Variants in PLD5 observed in about 807,000 individuals in gnomAD.
The protein encoded by PLD5 is inactive phospholipase D5.
In PLD5, 36 loss-of-function variants were observed where a neutral mutation model predicts 61.1. The ratio of observed to expected loss-of-function variants is 0.59; its 90% CI spans 0.45 to 0.78. The LOEUF (loss-of-function observed/expected upper bound fraction) is 0.78. Among genes scored for constraint, PLD5 ranks in the 30% least tolerant of loss-of-function variants. The pLI is 0.00. For synonymous variants in PLD5, 243 were observed against 242.8 expected, an observed-to-expected ratio of 1.00 and a Z score of -0.01; for missense variants, 515 against 644.4, an observed-to-expected ratio of 0.80 and a Z score of 2.17.
At chr1:242,453,696 C>T (rs1056465029) in intron 1 of PLD5, among the ~76,000 whole-genome samples, 5 of 152,148 alleles carry the variant, frequency 3.3e-5, no homozygotes, top group Non-Finnish European at 7.4e-5. Context: ...GTAGGGCTCC[C>T]CTTTAGGATA....
chr1:242,474,189 G>A (rs1051025024), intron 1 of PLD5, among the ~76,000 whole-genome samples: 3 of 152,136 alleles, frequency 2.0e-5, no homozygotes, highest in African/African-American at 2.4e-5. Flanking sequence ...TGGCAAAACC[G>A]CAATTACTTT....
chr1:242,293,054 T>G (rs1675458031), intron 2 of PLD5, among the ~76,000 whole-genome samples: 1 of 152,208 alleles, frequency 6.6e-6, no homozygotes, highest in Non-Finnish European at 1.5e-5. Flanking sequence ...TTCCCTTTTC[T>G]TTGATTACAA....
At chr1:242,489,804 T>C (rs903842513) in intron 1 of PLD5, among the ~76,000 whole-genome samples, 1 of 152,154 alleles carries the variant, frequency 6.6e-6, no homozygotes, top group Admixed American at 6.5e-5. Context: ...TTTCAAAGGA[T>C]TTCACCAAGC....
intron 5 of PLD5, among the ~76,000 whole-genome samples, chr1:242,212,825 C>T (rs183318167): frequency 5.3e-5 from 8 of 152,280 alleles, no homozygotes; most frequent in African/African-American, 1.9e-4. Flanking sequence ...TTTAAAAAAC[C>T]TCTTTCTGAT....
intron 2 of PLD5, among the ~76,000 whole-genome samples, chr1:242,310,054 T>C (rs1003397824): frequency 1.3e-5 from 1 of 77,770 alleles, no homozygotes; most frequent in African/African-American, 3.1e-5. Flanking sequence ...ACAGGACCAA[T>C]TTTTCTTTTT....
intron 1 of PLD5, among the ~76,000 whole-genome samples, chr1:242,394,898 T>TTATATATGAA (rs760902538): frequency 0.2 from 19,872 of 99,312 alleles, 3,144 homozygotes; most frequent in Non-Finnish European, 0.25. Flanking sequence ...ATATATATGA[T>TTATATATGAA]TATATATGAA....
chr1:242,511,727 A>G (rs2654894), intron 1 of PLD5, among the ~76,000 whole-genome samples: 99,110 of 152,016 alleles, frequency 0.65, 33,459 homozygotes, highest in African/African-American at 0.81. Flanking sequence ...AGGGACACAC[A>G]GCAACTAAAT....
At chr1:242,272,918 C>T (rs530701116) in intron 3 of PLD5, among the ~76,000 whole-genome samples, 87 of 150,740 alleles carry the variant, frequency 5.8e-4, no homozygotes, top group African/African-American at 2.0e-3. Context: ...GTTTTTTTTT[C>T]TTTTTTAATT....
chr1:242,201,721 T>C (rs920035473), intron 5 of PLD5, among the ~76,000 whole-genome samples: 1 of 152,178 alleles, frequency 6.6e-6, no homozygotes, highest in African/African-American at 2.4e-5. Context: ...TCTGTATATG[T>C]ATGCAACAAG....
rs1668940794 is a variant in PLD5, at chr1:242,512,224, A to G, written c.189+11864T>C. Among the ~76,000 whole-genome samples the G allele has an allele frequency of 3.3e-5, 5 of 151,566 alleles. No individual in the cohort carries two copies. The South Asian group carries it at 1.0e-3, about 32-fold the overall frequency. ...CAGGAGATCGAGACCATCCTGGCTA[A>G]CACGGTGAAACCTCGTCTCTACTAA... On this transcript the variant is annotated intron_variant, in intron 1 of 9. Coordinates refer to ENST00000536534, the MANE Select transcript of PLD5 (RefSeq NM_001372062.1).
At chr1:242,443,016 T>C (rs1234660937) in intron 1 of PLD5, among the ~76,000 whole-genome samples, 4 of 152,144 alleles carry the variant, frequency 2.6e-5, no homozygotes, top group Non-Finnish European at 5.9e-5. Flanking sequence ...AGCCTGCCCT[T>C]GCTATGACAG....
intron 2 of PLD5, among the ~76,000 whole-genome samples, chr1:242,309,798 C>T (rs1191808677): frequency 6.7e-6 from 1 of 149,936 alleles, no homozygotes; most frequent in Non-Finnish European, 1.5e-5. Context: ...ATTTCCAAGG[C>T]TTTTATAATT....
At chr1:242,358,583 G>A (rs1163061838) in intron 1 of PLD5, among the ~76,000 whole-genome samples, 1 of 150,748 alleles carries the variant, frequency 6.6e-6, no homozygotes, top group Non-Finnish European at 1.5e-5. Flanking sequence ...CTATGAGGCT[G>A]AGCTTCTGTG....
intron 1 of PLD5, among the ~76,000 whole-genome samples, chr1:242,407,585 G>A (rs1011040797): frequency 2.5e-4 from 36 of 143,132 alleles, no homozygotes; most frequent in South Asian, 8.9e-4. Context: ...TTTTTGAGAC[G>A]GAGTTTTGCT....
chr1:242,184,694 T>C (rs1667760238), intron 5 of PLD5, among the ~76,000 whole-genome samples: 2 of 152,216 alleles, frequency 1.3e-5, no homozygotes, highest in Non-Finnish European at 2.9e-5. Flanking sequence ...TCTGAGAAGT[T>C]AAGATTCAAC....
chr1:242,168,417 T>C (rs1666479623), intron 5 of PLD5, among the ~76,000 whole-genome samples: 1 of 152,170 alleles, frequency 6.6e-6, no homozygotes, highest in Non-Finnish European at 1.5e-5. Flanking sequence ...CAAAATAGTT[T>C]TGGCAATAAG....
intron 1 of PLD5, among the ~76,000 whole-genome samples, chr1:242,496,193 A>G (rs1668363838): frequency 6.6e-6 from 1 of 152,174 alleles, no homozygotes; most frequent in African/African-American, 2.4e-5. Flanking sequence ...AAATCAGAGA[A>G]CTAAAATAAG....
intron 5 of PLD5, among the ~76,000 whole-genome samples, chr1:242,187,885 CA>C (rs1491123810): frequency 6.6e-6 from 1 of 152,052 alleles, no homozygotes. Flanking sequence ...TACGGGGCCA[CA>C]AAAGTTACAG....
At chr1:242,236,339 A>G (rs1018852298) in intron 4 of PLD5, among the ~76,000 whole-genome samples, 1 of 152,348 alleles carries the variant, frequency 6.6e-6, no homozygotes, top group African/African-American at 2.4e-5. Context: ...AGGGCTCCCA[A>G]TCTAATGCAA....
Sources: allele counts gnomAD v4.1 joint callset (sites outside exome capture counted in the v4.1 genomes callset), GRCh38; gene constraint gnomAD v4.1.1; transcripts MANE v1.5; gene names NCBI Gene and HGNC (gene_info 2026-07-23, HGNC 2026-07-21).